Variants in UBE2L3 observed in about 807,000 individuals in gnomAD.
The protein encoded by UBE2L3 is ubiquitin-conjugating enzyme E2 L3.
A neutral mutation model predicts 17.8 loss-of-function variants in UBE2L3; 1 was observed. The observed-to-expected ratio is 0.06, with a 90% CI of 0.02 to 0.27. The LOEUF (loss-of-function observed/expected upper bound fraction) is 0.27, where lower values mean the gene tolerates loss of function less well. Among genes scored for constraint, UBE2L3 ranks in the 10% least tolerant of loss-of-function variants. The pLI, the probability that UBE2L3 is intolerant of heterozygous loss-of-function variation, is 1.00. For missense variants in UBE2L3, 40 were observed against 192.6 expected, an observed-to-expected ratio of 0.21 and a Z score of 4.69; for synonymous variants, 44 against 68.5, an observed-to-expected ratio of 0.64 and a Z score of 1.76.
chr22:21,562,095 C>T (rs1273321547), intron 1 of UBE2L3, among the ~76,000 whole-genome samples: 1 of 152,020 alleles, frequency 6.6e-6, no homozygotes, highest in Non-Finnish European at 1.5e-5. Flanking sequence ...AGCCCCCACA[C>T]CTCATCAAAC....
In UBE2L3 at chr22:21,612,643, C is replaced by CTTTTTTTTT. The variant is rs57678378; in HGVS notation, c.310+1620_310+1628dup. Among the ~76,000 whole-genome samples the CTTTTTTTTT allele has an allele frequency of 1.3e-3, 67 of 52,490 alleles. 4 individuals are homozygous for CTTTTTTTTT. Among genetic ancestry groups the CTTTTTTTTT allele is most frequent in the East Asian group, 6.7e-3 (9 of 1,336 alleles). 34.4% of individuals were successfully genotyped at this position (52,490 alleles called of 152,430 possible). A position where few individuals can be genotyped will look rare whatever the true frequency, so the allele number is the denominator to read the frequency against. On this transcript the variant is annotated intron_variant, in intron 3 of 3. Coordinates refer to ENST00000342192, the MANE Select transcript of UBE2L3 (RefSeq NM_003347.4). ...CCCAGCCGATTTTTTCTTTTCTTTT[C>CTTTTTTTTT]TTTTTTTTTTTTTTTTTTTTTTTTT...
intron 1 of UBE2L3, among the ~76,000 whole-genome samples, chr22:21,586,054 G>T (rs1240795621): frequency 3.9e-5 from 6 of 152,086 alleles, no homozygotes; most frequent in Admixed American, 3.9e-4. Flanking sequence ...TCCCAAGTCA[G>T]CCTCCTGAGT....
At chr22:21,575,501 A>G (rs1927225794) in intron 1 of UBE2L3, among the ~76,000 whole-genome samples, 1 of 149,428 alleles carries the variant, frequency 6.7e-6, no homozygotes, top group Admixed American at 6.6e-5. Context: ...AGGCAGGAGA[A>G]TCGCTTGAAT....
chr22:21,607,811 C>T (rs1779823493), intron 2 of UBE2L3, among the ~76,000 whole-genome samples: 1 of 152,160 alleles, frequency 6.6e-6, no homozygotes, highest in Non-Finnish European at 1.5e-5. Flanking sequence ...GCCTGGTGAT[C>T]ACCTGTTGAG....
chr22:21,581,809 AAG>A (rs1927653664), intron 1 of UBE2L3, among the ~76,000 whole-genome samples: 1 of 150,862 alleles, frequency 6.6e-6, no homozygotes, highest in Admixed American at 6.6e-5. Context: ...TCAAAAAAAA[AAG>A]AAAAAAAAAT....
At chr22:21,612,122 C>T (rs576952601) in intron 3 of UBE2L3, among the ~76,000 whole-genome samples, 6 of 152,052 alleles carry the variant, frequency 3.9e-5, no homozygotes, top group Non-Finnish European at 2.9e-5. Flanking sequence ...CAAAGCCTTG[C>T]GCAAGAAAAA....
upstream of UBE2L3, among the ~76,000 whole-genome samples, chr22:21,565,185 C>T (rs1038666877): frequency 3.3e-5 from 5 of 151,900 alleles, no homozygotes; most frequent in East Asian, 2.0e-4. Flanking sequence ...CTCCGCCTCC[C>T]GGGTTCACGC....
intron 3 of UBE2L3, among the ~76,000 whole-genome samples, chr22:21,612,232 A>G (rs962927828): frequency 6.6e-6 from 1 of 152,230 alleles, no homozygotes; most frequent in Non-Finnish European, 1.5e-5. Flanking sequence ...CAGTCAGGGC[A>G]GAACAGTCTC....
At chr22:21,618,847 C>A (rs1929911964) in intron 3 of UBE2L3, among the ~76,000 whole-genome samples, 1 of 152,122 alleles carries the variant, frequency 6.6e-6, no homozygotes, top group African/African-American at 2.4e-5. Context: ...CCTCCTTGGC[C>A]TCCCAAAGTG....
At chr22:21,598,877 G>A (rs921390532) in intron 2 of UBE2L3, among the ~76,000 whole-genome samples, 2 of 150,996 alleles carry the variant, frequency 1.3e-5, no homozygotes, top group African/African-American at 4.9e-5. Context: ...GAGTCACTCT[G>A]TCTCCCAGGC....
chr22:21,586,877 T>A (rs1230700266), intron 1 of UBE2L3, among the ~76,000 whole-genome samples: 1 of 82,162 alleles, frequency 1.2e-5, no homozygotes. Context: ...TGCCCGGCCT[T>A]TTTTTTTTTT....
intron 1 of UBE2L3, among the ~76,000 whole-genome samples, chr22:21,579,335 A>G (rs910323950): frequency 2.0e-5 from 3 of 152,162 alleles, no homozygotes; most frequent in African/African-American, 7.2e-5. Context: ...TAAGATAGCT[A>G]CCATACTGCT....
intron 3 of UBE2L3, among the ~76,000 whole-genome samples, chr22:21,611,879 C>T (rs1030748648): frequency 6.6e-6 from 1 of 152,070 alleles, no homozygotes; most frequent in African/African-American, 2.4e-5. Context: ...ACTTGAGAGG[C>T]TGCAAGTGGA....
intron 3 of UBE2L3, among the ~76,000 whole-genome samples, chr22:21,615,382 T>C (rs566241749): frequency 1.5e-3 from 226 of 151,730 alleles, no homozygotes; most frequent in African/African-American, 3.6e-3. Flanking sequence ...GGTGAAACCC[T>C]GTCTTTACTA....
intron 1 of UBE2L3, among the ~76,000 whole-genome samples, chr22:21,561,508 G>A (rs1926429493): frequency 6.6e-6 from 1 of 152,292 alleles, no homozygotes; most frequent in African/African-American, 2.4e-5. Context: ...CTTGAGTACA[G>A]GAGGTTGAGG....
chr22:21,574,574 C>G (rs1390881487), intron 1 of UBE2L3, among the ~76,000 whole-genome samples: 2 of 152,130 alleles, frequency 1.3e-5, no homozygotes, highest in Non-Finnish European at 2.9e-5. Flanking sequence ...CTGGACATAC[C>G]CTCATCACTG....
chr22:21,614,437 AAAAG>A lies in UBE2L3; in HGVS notation c.310+3407_310+3410del, dbSNP rs1011995889. Reference sequence around the variant, plus strand: ...AAACCCCGTCTGTACCAAAAAAAAAAAAAGAAAGAAAGAAAGGGAAAAAGCCACT... The same window carrying A: ...AAACCCCGTCTGTACCAAAAAAAAAAAAAGAAAGAAAGGGAAAAAGCCACT... On this transcript the variant is annotated intron_variant, in intron 3 of 3. Transcript: ENST00000342192. 172 of 548,662 alleles carry A rather than the reference AAAAG, an allele frequency of 3.1e-4. No homozygotes were observed. In the Middle Eastern group the frequency reaches 8.1e-3, roughly 26 times the overall value. The allele number at this position is 548,662 out of a possible 1,614,324, so 34.0% of individuals were successfully genotyped here. A position where few individuals can be genotyped will look rare whatever the true frequency, so the allele number is the denominator to read the frequency against.
chr22:21,561,364 C>T (rs1189432776), intron 1 of UBE2L3, among the ~76,000 whole-genome samples: 1 of 152,290 alleles, frequency 6.6e-6, no homozygotes, highest in East Asian at 1.9e-4. Context: ...TCTCTTGAGT[C>T]CATGAGTTAC....
chr22:21,617,013 A>G (rs1363932848), intron 3 of UBE2L3, among the ~76,000 whole-genome samples: 1 of 151,882 alleles, frequency 6.6e-6, no homozygotes, highest in East Asian at 2.0e-4. Flanking sequence ...GATCGAGACC[A>G]TCCTGGCTAA....
Sources: allele counts gnomAD v4.1 joint callset (sites outside exome capture counted in the v4.1 genomes callset), GRCh38; gene constraint gnomAD v4.1.1; transcripts MANE v1.5; gene names NCBI Gene and HGNC (gene_info 2026-07-23, HGNC 2026-07-21).